PTBP3: variants seen among roughly 807,000 people sequenced by gnomAD.
PTBP3 encodes polypyrimidine tract-binding protein 3.
A neutral mutation model predicts 58.7 loss-of-function variants in PTBP3; 20 were observed. That is an observed-to-expected ratio of 0.34 (90% CI 0.24 to 0.50). The LOEUF (loss-of-function observed/expected upper bound fraction) is 0.50, where lower values mean the gene tolerates loss of function less well. Ranked by LOEUF, PTBP3 falls within the 20% of genes least tolerant of loss-of-function variation. The probability of loss-of-function intolerance (pLI) is 0.98; values close to 1 mark genes in which losing one functional copy is unlikely to be tolerated. For missense variants in PTBP3, 509 were observed against 637.2 expected (o/e 0.80, Z 2.17); for synonymous variants, 185 against 219.8 (o/e 0.84, Z 1.40).
chr9:112,275,618 T>C (rs1166372123), intron 3 of PTBP3, among the ~76,000 whole-genome samples: 1 of 152,180 alleles, frequency 6.6e-6, no homozygotes, highest in Non-Finnish European at 1.5e-5. Flanking sequence ...AATTTGTGTC[T>C]TAAGAAGAAA....
At chr9:112,353,176 C>A in the PTBP3 span, among the ~76,000 whole-genome samples, 1 of 151,948 alleles carries the variant, frequency 6.6e-6, no homozygotes, top group Non-Finnish European at 1.5e-5. Context: ...GCTGGGACTA[C>A]AGGCGTGAGC....
intron 1 of PTBP3, chr9:112,330,457 A>T (rs773442797): frequency 1.3e-6 from 2 of 1,529,340 alleles, no homozygotes; most frequent in African/African-American, 1.4e-5. Flanking sequence ...ACCGACTGTT[A>T]TAAGATCTGT....
intron 2 of PTBP3, chr9:112,281,032 GCA>G (rs1827840648): frequency 6.6e-6 from 1 of 152,074 alleles, no homozygotes; most frequent in Non-Finnish European, 1.5e-5. Context: ...TTGTTGCTGG[GCA>G]CAGTGGCAAG....
the PTBP3 span, among the ~76,000 whole-genome samples, chr9:112,378,920 C>G: frequency 1.3e-5 from 2 of 152,234 alleles, no homozygotes; most frequent in African/African-American, 4.8e-5. Flanking sequence ...GGCGCGGAGG[C>G]TCACGCCTGT....
At chr9:112,374,726 G>A in the PTBP3 span, among the ~76,000 whole-genome samples, 9 of 152,212 alleles carry the variant, frequency 5.9e-5, no homozygotes, top group Non-Finnish European at 8.8e-5. Flanking sequence ...GGAATACCAC[G>A]ACAGTGGATA....
chr9:112,247,034 A>T (rs1233469458), intron 7 of PTBP3, among the ~76,000 whole-genome samples: 1 of 151,920 alleles, frequency 6.6e-6, no homozygotes, highest in East Asian at 1.9e-4. Flanking sequence ...CAACAGTCCA[A>T]CCTGGGCAAC....
chr9:112,356,882 T>TA, the PTBP3 span, among the ~76,000 whole-genome samples: 1 of 141,232 alleles, frequency 7.1e-6, no homozygotes, highest in Non-Finnish European at 1.5e-5. Flanking sequence ...CTCTTTTTTT[T>TA]TTTTTTTTTT....
chr9:112,227,255 C>T (rs1274162595), intron 12 of PTBP3, among the ~76,000 whole-genome samples, 156 bp downstream of exon 12: 1 of 152,018 alleles, frequency 6.6e-6, no homozygotes, highest in Non-Finnish European at 1.5e-5. Flanking sequence ...TGGAGATAAC[C>T]TTCTGAAGGC....
At position 112,222,706 on chromosome 9, in the gene PTBP3, A is replaced by T; in HGVS notation, c.*1145T>A. The T allele has an allele frequency of 1.0e-6, 1 of 981,312 alleles. No homozygotes were observed. The highest frequency in any genetic ancestry group is 1.2e-6 in the Non-Finnish European group (1 of 825,754). The allele number at this position is 981,312 out of a possible 1,614,324, so 60.8% of individuals were successfully genotyped here. A position where few individuals can be genotyped will look rare whatever the true frequency, so the allele number is the denominator to read the frequency against. ...TTTAAATCCTTACCAAAACAGAGAA[A>T]GAAAAAACAAAATGCTTACCAAGCC... On this transcript the variant is annotated 3_prime_UTR_variant, in exon 14 of 14. Transcript: ENST00000374257.
At chr9:112,340,076 CACCT>C in the PTBP3 span, among the ~76,000 whole-genome samples, 1 of 152,146 alleles carries the variant, frequency 6.6e-6, no homozygotes, top group Admixed American at 6.5e-5. Flanking sequence ...GTGATCCTCC[CACCT>C]AAGCCTCCTG....
At chr9:112,293,184 A>G (rs1303008555) in intron 2 of PTBP3, among the ~76,000 whole-genome samples, 1 of 152,178 alleles carries the variant, frequency 6.6e-6, no homozygotes, top group Non-Finnish European at 1.5e-5. Context: ...AACACAAAAA[A>G]CTAACTTATG....
At position 112,220,390 on chromosome 9, in the gene PTBP3, G is replaced by A. The variant is rs1464312666; in HGVS notation, c.*3461C>T. 2 of 1,220,894 alleles carry A rather than the reference G, an allele frequency of 1.6e-6. No homozygotes were observed. Among genetic ancestry groups the A allele is most frequent in the African/African-American group, 3.2e-5 (2 of 62,412 alleles). The allele number at this position is 1,220,894 out of a possible 1,614,324, so 75.6% of individuals were successfully genotyped here. On this transcript the variant is annotated 3_prime_UTR_variant, in exon 14 of 14. Coordinates refer to ENST00000374257, the MANE Select transcript of PTBP3 (RefSeq NM_001163788.4). ...GCGAGACCCCTAAAAATAAAATAAA[G>A]TAAAATAAAAAGAAATTGAGCAGAG...
At chr9:112,278,586 T>A (rs1827725708) in intron 2 of PTBP3, among the ~76,000 whole-genome samples, 1 of 152,202 alleles carries the variant, frequency 6.6e-6, no homozygotes, top group South Asian at 2.1e-4. Context: ...CAAGCTCCCA[T>A]TCGTGCTGCA....
At chr9:112,338,182 A>C (rs1412211521), upstream of PTBP3, among the ~76,000 whole-genome samples, 2 of 152,248 alleles carry the variant, frequency 1.3e-5, no homozygotes, top group Non-Finnish European at 2.9e-5. Context: ...ATGGAAGAGG[A>C]TACAGACAAC....
intron 3 of PTBP3, among the ~76,000 whole-genome samples, chr9:112,274,750 G>A (rs188640998): frequency 6.6e-6 from 1 of 152,252 alleles, no homozygotes; most frequent in Admixed American, 6.5e-5. Flanking sequence ...CTACACCCCA[G>A]CAGACCAGTT....
chr9:112,346,549 C>G, the PTBP3 span, among the ~76,000 whole-genome samples: 5 of 152,332 alleles, frequency 3.3e-5, no homozygotes, highest in East Asian at 9.6e-4. Flanking sequence ...ATTCCAAATA[C>G]AGGTACCAAC....
chr9:112,378,023 C>T, the PTBP3 span, among the ~76,000 whole-genome samples: 2 of 152,208 alleles, frequency 1.3e-5, no homozygotes, highest in Admixed American at 1.3e-4. Flanking sequence ...TACTCACAAA[C>T]TATTCTTCAT....
intron 1 of PTBP3, among the ~76,000 whole-genome samples, chr9:112,313,231 G>T (rs1829561028): frequency 6.6e-6 from 1 of 152,076 alleles, no homozygotes; most frequent in Non-Finnish European, 1.5e-5. Context: ...AAGAGACAGG[G>T]TCTCGCTCTG....
intron 3 of PTBP3, among the ~76,000 whole-genome samples, chr9:112,275,079 G>A (rs1278701915): frequency 6.6e-6 from 1 of 151,974 alleles, no homozygotes; most frequent in African/African-American, 2.4e-5. Context: ...ACAAATAGAA[G>A]CCAATCAAAT....
Sources: gnomAD v4.1 joint callset for allele counts (sites outside exome capture counted in the v4.1 genomes callset) on GRCh38, gnomAD v4.1.1 for gene constraint, MANE v1.5 for transcripts, NCBI Gene and HGNC (gene_info 2026-07-23, HGNC 2026-07-21) for gene names.